The following CUL5 variants were observed in gnomAD, a reference collection of about 807,000 sequenced individuals.
CUL5 encodes cullin-5.
CUL5 carries 26 observed loss-of-function variants against 108.8 expected under a neutral mutation model. The ratio of observed to expected loss-of-function variants is 0.24; its 90% CI spans 0.18 to 0.33. The LOEUF (loss-of-function observed/expected upper bound fraction) is 0.33, where lower values mean the gene tolerates loss of function less well. Ranked by LOEUF, CUL5 falls within the 10% of genes least tolerant of loss-of-function variation. The pLI is 1.00. For synonymous variants in CUL5, 334 were observed against 298.0 expected (o/e 1.12, Z -1.25); for missense variants, 524 against 909.2 (o/e 0.58, Z 5.45).
At chr11:108,047,812 TGATAAA>T (rs1241924306) in intron 3 of CUL5, among the ~76,000 whole-genome samples, 2 of 152,224 alleles carry the variant, frequency 1.3e-5, no homozygotes, top group African/African-American at 2.4e-5. Flanking sequence ...TTTTATGACT[TGATAAA>T]GATAAATTAT....
rs1332001184 is a variant in CUL5 at position 108,066,573 on chromosome 11, CTTGTAATAAAA to C, written c.781-3512_781-3502del. Reference sequence around the variant, plus strand: ...TCTTGCAAGGATTCTTTTAACTCACCTTGTAATAAAATTGTAATAAAGTAGCTCAGATCATC... The same window carrying C: ...TCTTGCAAGGATTCTTTTAACTCACCTTGTAATAAAGTAGCTCAGATCATC... On this transcript the variant is annotated intron_variant, in intron 7 of 18. Transcript: ENST00000393094. Among the ~76,000 whole-genome samples, 11 of 152,158 alleles carry C rather than the reference CTTGTAATAAAA, an allele frequency of 7.2e-5. No homozygotes were observed. In the South Asian group the frequency reaches 1.7e-3, roughly 23 times the overall value.
chr11:108,104,051 A>G (rs1591340354), intron 18 of CUL5, 139 bp from the exon 19 acceptor site: 2 of 574,268 alleles, frequency 3.5e-6, no homozygotes, highest in Non-Finnish European at 6.0e-6. Context: ...TAGTCTCAAC[A>G]TTAATCCCCT....
chr11:108,023,272 G>T (rs529921826), intron 1 of CUL5, among the ~76,000 whole-genome samples: 2 of 152,048 alleles, frequency 1.3e-5, no homozygotes, highest in Admixed American at 6.6e-5. Flanking sequence ...CAAAAAAAAC[G>T]CAGTATCTTC....
intron 11 of CUL5, among the ~76,000 whole-genome samples, chr11:108,084,020 G>C (rs751147046): frequency 6.6e-6 from 1 of 152,140 alleles, no homozygotes; most frequent in Non-Finnish European, 1.5e-5. Context: ...TCTGTCATTA[G>C]TGTTAGTGTA....
intron 18 of CUL5, among the ~76,000 whole-genome samples, chr11:108,101,936 A>G (rs1433961813): frequency 6.6e-6 from 1 of 152,186 alleles, no homozygotes; most frequent in East Asian, 1.9e-4. Flanking sequence ...ATTTATGATG[A>G]TCAGGAGCCT....
intron 1 of CUL5, among the ~76,000 whole-genome samples, chr11:108,018,504 TA>T (rs34130141): frequency 3.2e-3 from 446 of 140,692 alleles, no homozygotes; most frequent in Admixed American, 2.9e-3. Context: ...CCATCTCTAC[TA>T]AAAAAAAAAA....
At chr11:108,012,876 C>T (rs3950984) in intron 1 of CUL5, among the ~76,000 whole-genome samples, 88,808 of 152,054 alleles carry the variant, frequency 0.58, 27,660 homozygotes, top group East Asian at 0.88. Context: ...GGATTACAGG[C>T]GTGAGCCACT....
chr11:108,032,378 C>T (rs569320443), intron 1 of CUL5, among the ~76,000 whole-genome samples: 11 of 152,080 alleles, frequency 7.2e-5, no homozygotes, highest in African/African-American at 1.4e-4. Flanking sequence ...CATGGTGGTG[C>T]GCACGTGTAG....
chr11:108,088,988 T>C (rs1864288344), intron 12 of CUL5, among the ~76,000 whole-genome samples: 1 of 152,110 alleles, frequency 6.6e-6, no homozygotes, highest in Admixed American at 6.5e-5. Flanking sequence ...CTCCTTCCTT[T>C]TTGTGAGAGT....
intron 10 of CUL5, among the ~76,000 whole-genome samples, chr11:108,077,644 G>GA (rs1863974615): frequency 1.5e-5 from 2 of 130,144 alleles, no homozygotes; most frequent in African/African-American, 2.7e-5. Flanking sequence ...AAAAAAAAAA[G>GA]AAAAAAAATC....
At chr11:108,080,105 T>C (rs1864037868) in intron 11 of CUL5, among the ~76,000 whole-genome samples, 1 of 130,634 alleles carries the variant, frequency 7.7e-6, no homozygotes, top group African/African-American at 2.7e-5. Flanking sequence ...TTGAGCAATT[T>C]TTCATCTTTT....
chr11:108,053,255 C>T (rs1863281607), intron 5 of CUL5, among the ~76,000 whole-genome samples: 1 of 152,184 alleles, frequency 6.6e-6, no homozygotes, highest in South Asian at 2.1e-4. Context: ...TCTTAATTCC[C>T]AGAGTAAGTT....
At chr11:108,064,017 T>C (rs1863614220) in intron 7 of CUL5, among the ~76,000 whole-genome samples, 1 of 152,230 alleles carries the variant, frequency 6.6e-6, no homozygotes, top group Admixed American at 6.5e-5. Context: ...TGGATGCTCT[T>C]TCTTTCTCTT....
intron 1 of CUL5, among the ~76,000 whole-genome samples, chr11:108,015,631 CTG>C (rs1862166046): frequency 6.6e-6 from 1 of 152,110 alleles, no homozygotes; most frequent in Non-Finnish European, 1.5e-5. Flanking sequence ...TCAAGGGTGT[CTG>C]TGTTGGTCAT....
At position 108,096,469 on chromosome 11, in the gene CUL5, TAGTG is replaced by T. The variant is rs1451131739; in HGVS notation, c.1905+781_1905+784del. Among the ~76,000 whole-genome samples the T allele has an allele frequency of 2.0e-5, 3 of 149,808 alleles. No individual in the cohort carries two copies. The East Asian group carries it at 5.9e-4, about 30-fold the overall frequency. On this transcript the variant is annotated intron_variant, in intron 16 of 18. Coordinates refer to ENST00000393094, the MANE Select transcript of CUL5 (RefSeq NM_003478.6). ...CCACTGCACTCCAGCCTGGGCAACA[TAGTG>T]AGACCCATCTCAAAAATTTTTTTTT...
rs768418231 is a variant in CUL5 at position 108,078,292 on chromosome 11, ATAGGGGTTAAC to A, written c.1178+57_1178+67del. 6 of 1,053,906 alleles carry A rather than the reference ATAGGGGTTAAC, an allele frequency of 5.7e-6. No homozygotes were observed. The African/African-American group carries it at 9.7e-5, about 17-fold the overall frequency. 65.3% of individuals were successfully genotyped at this position (1,053,906 alleles called of 1,614,324 possible). On this transcript the variant is annotated intron_variant, in intron 11 of 18. Coordinates refer to ENST00000393094, the MANE Select transcript of CUL5 (RefSeq NM_003478.6). ...AAATACTTAAATTTTCTTTAGTGTAATAGGGGTTAACTAGGTATACAAAGTACCCTGTTAGG... is the reference window on the plus strand; with the variant it reads ...AAATACTTAAATTTTCTTTAGTGTAATAGGTATACAAAGTACCCTGTTAGG...
chr11:108,067,633 A>G (rs1863719104), intron 7 of CUL5, among the ~76,000 whole-genome samples: 2 of 152,208 alleles, frequency 1.3e-5, no homozygotes, highest in Non-Finnish European at 2.9e-5. Flanking sequence ...AGAATCTGCA[A>G]AATTTCAACT....
intron 7 of CUL5, among the ~76,000 whole-genome samples, chr11:108,058,527 C>CGT (rs1167936011): frequency 1.3e-5 from 2 of 150,698 alleles, no homozygotes; most frequent in Non-Finnish European, 2.9e-5. Context: ...GGATTACAGA[C>CGT]GTGAGCCACT....
rs1425428786 is a variant in CUL5, at chr11:108,107,058, AAATATTAG to A, written c.*2682_*2689del. 1 of 151,358 alleles carries A rather than the reference AAATATTAG, an allele frequency of 6.6e-6. No individual in the cohort carries two copies. Among genetic ancestry groups the A allele is most frequent in the Non-Finnish European group, 1.5e-5 (1 of 67,872 alleles). The allele number at this position is 151,358 out of a possible 1,614,324, so 9.4% of individuals were successfully genotyped here. On this transcript the variant is annotated 3_prime_UTR_variant, in exon 19 of 19. Coordinates refer to ENST00000393094, the MANE Select transcript of CUL5 (RefSeq NM_003478.6). ...AAAATTTTGATGGTCACAATGAGAT[AAATATTAG>A]AATATTACTATTCCAATGATTAAAT...
Sources: gnomAD v4.1 joint callset for allele counts (sites outside exome capture counted in the v4.1 genomes callset) on GRCh38, gnomAD v4.1.1 for gene constraint, MANE v1.5 for transcripts, NCBI Gene and HGNC (gene_info 2026-07-23, HGNC 2026-07-21) for gene names.